PLCB1: variants seen among roughly 807,000 people sequenced by gnomAD.
PLCB1 encodes the protein 1-phosphatidylinositol 4,5-bisphosphate phosphodiesterase beta-1.
In PLCB1, 46 loss-of-function variants were observed where a neutral mutation model predicts 161.8. That is an observed-to-expected ratio of 0.28 (90% CI 0.22 to 0.36). The LOEUF is 0.36. Among genes scored for constraint, PLCB1 ranks in the 10% least tolerant of loss-of-function variants. The pLI, the probability that PLCB1 is intolerant of heterozygous loss-of-function variation, is 1.00. For missense variants in PLCB1, 1,016 were observed against 1,472.5 expected (o/e 0.69, Z 5.07); for synonymous variants, 517 against 503.7 (o/e 1.03, Z -0.35).
At chr20:8,146,275 C>T (rs551182172) in intron 1 of PLCB1, among the ~76,000 whole-genome samples, 14 of 152,278 alleles carry the variant, frequency 9.2e-5, no homozygotes, top group African/African-American at 2.4e-4. Flanking sequence ...TTATAGAGTG[C>T]GTACTTGAAG....
chr20:8,437,790 A>C (rs187134475), intron 3 of PLCB1, among the ~76,000 whole-genome samples: 47 of 152,320 alleles, frequency 3.1e-4, no homozygotes, highest in Admixed American at 1.2e-3. Flanking sequence ...TGAGCAAGGA[A>C]GTATTAGGTA....
chr20:8,410,283 C>T (rs1978984021), intron 3 of PLCB1, among the ~76,000 whole-genome samples: 1 of 152,116 alleles, frequency 6.6e-6, no homozygotes, highest in Non-Finnish European at 1.5e-5. Flanking sequence ...CTGACACAAA[C>T]ACCTATGGGT....
At chr20:8,381,194 A>G (rs1987243029) in intron 3 of PLCB1, among the ~76,000 whole-genome samples, 1 of 152,194 alleles carries the variant, frequency 6.6e-6, no homozygotes, top group Admixed American at 6.5e-5. Context: ...GCATCTATTG[A>G]GATAATCACA....
chr20:8,177,071 G>A (rs1412815940), intron 2 of PLCB1, among the ~76,000 whole-genome samples: 1 of 151,974 alleles, frequency 6.6e-6, no homozygotes, highest in Non-Finnish European at 1.5e-5. Context: ...AATTTTACAC[G>A]AGAGTGCAAA....
At chr20:8,476,979 T>C (rs1600095981) in intron 3 of PLCB1, among the ~76,000 whole-genome samples, 1 of 152,116 alleles carries the variant, frequency 6.6e-6, no homozygotes, top group East Asian at 1.9e-4. Flanking sequence ...AGGAAAAGGA[T>C]TTTTTTCAGG....
Position 8,330,939 on chromosome 20 carries a change from C to G in PLCB1, c.178-40443C>G, listed in dbSNP as rs534953059. Reference sequence around the variant, plus strand: ...AAGCAGATTTACAGTGTACATTGCACATTTAATATGCACAAAGCGCTTCTG... The same window carrying G: ...AAGCAGATTTACAGTGTACATTGCAGATTTAATATGCACAAAGCGCTTCTG... On this transcript the variant is annotated intron_variant, in intron 2 of 31. Coordinates refer to ENST00000338037, the MANE Select transcript of PLCB1 (RefSeq NM_015192.4). 1.7e-4 allele frequency among the ~76,000 whole-genome samples: 26 copies of G among 152,300 alleles called. 1 individual carries two copies. The South Asian group carries it at 5.2e-3, about 30-fold the overall frequency.
At chr20:8,740,739 T>G (rs1218919599) in intron 22 of PLCB1, among the ~76,000 whole-genome samples, 2 of 152,242 alleles carry the variant, frequency 1.3e-5, no homozygotes, top group Non-Finnish European at 2.9e-5. Flanking sequence ...ATGTTATCCA[T>G]TACAACAAAT....
chr20:8,832,018 T>C (rs1986038724), intron 31 of PLCB1, among the ~76,000 whole-genome samples: 1 of 150,798 alleles, frequency 6.6e-6, no homozygotes, highest in South Asian at 2.1e-4. Flanking sequence ...TTCTTTCGTA[T>C]TGCTCCTTGT....
At chr20:8,454,575 G>A (rs73593738) in intron 3 of PLCB1, among the ~76,000 whole-genome samples, 30 of 152,236 alleles carry the variant, frequency 2.0e-4, no homozygotes, top group African/African-American at 7.0e-4. Flanking sequence ...GGAAAGAAAC[G>A]AGTCAGGATG....
At chr20:8,182,438 C>T (rs1317877950) in intron 2 of PLCB1, among the ~76,000 whole-genome samples, 2 of 151,992 alleles carry the variant, frequency 1.3e-5, no homozygotes, top group African/African-American at 4.8e-5. Context: ...TCCTGTGGAC[C>T]CCTACGTCTG....
At chr20:8,407,617 T>G (rs1417539187) in intron 3 of PLCB1, among the ~76,000 whole-genome samples, 1 of 152,204 alleles carries the variant, frequency 6.6e-6, no homozygotes, top group Non-Finnish European at 1.5e-5. Flanking sequence ...CAGGCCCCCA[T>G]GATTCAGTGA....
chr20:8,667,342 C>A (rs1043496279), intron 9 of PLCB1, among the ~76,000 whole-genome samples: 2 of 152,110 alleles, frequency 1.3e-5, no homozygotes, highest in African/African-American at 4.8e-5. Flanking sequence ...ATTCCAAGTT[C>A]TTCTTAACTT....
At chr20:8,693,652 A>G (rs775238794) in intron 10 of PLCB1, among the ~76,000 whole-genome samples, 5 of 152,232 alleles carry the variant, frequency 3.3e-5, no homozygotes, top group Non-Finnish European at 7.3e-5. Flanking sequence ...TGAAGGGAAG[A>G]CAATAATGAT....
chr20:8,237,073 A>G (rs140629169), intron 2 of PLCB1, among the ~76,000 whole-genome samples: 143 of 152,190 alleles, frequency 9.4e-4, no homozygotes, highest in African/African-American at 3.4e-3. Flanking sequence ...TATCACAAGC[A>G]TGAAAGTCCT....
intron 23 of PLCB1, among the ~76,000 whole-genome samples, chr20:8,747,009 C>T (rs939309259): frequency 7.9e-5 from 12 of 152,296 alleles, no homozygotes; most frequent in South Asian, 2.1e-4. Context: ...ACCACACACA[C>T]GCACTACCTC....
At chr20:8,735,823 C>T (rs1363461137) in intron 19 of PLCB1, among the ~76,000 whole-genome samples, 1 of 152,136 alleles carries the variant, frequency 6.6e-6, no homozygotes, top group Admixed American at 6.5e-5. Flanking sequence ...GCACTCAAGC[C>T]AAATAGAACA....
chr20:8,169,036 G>A (rs990222138), intron 2 of PLCB1, among the ~76,000 whole-genome samples: 1 of 152,114 alleles, frequency 6.6e-6, no homozygotes, highest in Non-Finnish European at 1.5e-5. Context: ...TTTACTCTGA[G>A]CTCATCTTTT....
chr20:8,776,999 G>A lies in PLCB1; in HGVS notation c.3111+2280G>A, dbSNP rs1231301169. Among the ~76,000 whole-genome samples the A allele has an allele frequency of 2.0e-5, 3 of 152,276 alleles. No homozygotes were observed. In the East Asian group the frequency reaches 5.8e-4, roughly 29 times the overall value. On this transcript the variant is annotated intron_variant, in intron 27 of 31. Coordinates refer to ENST00000338037, the MANE Select transcript of PLCB1 (RefSeq NM_015192.4). ...GTTAAGAGGTGAAGAACTGACAACA[G>A]CCAACACAGGGAGGAGGATTCCTCC... is the stretch of plus-strand genomic sequence containing the variant.
At chr20:8,536,307 G>C (rs924345766) in intron 3 of PLCB1, among the ~76,000 whole-genome samples, 3 of 152,132 alleles carry the variant, frequency 2.0e-5, no homozygotes, top group Non-Finnish European at 4.4e-5. Flanking sequence ...CACCATGTTA[G>C]GCGCCGGATG....
Sources: gnomAD v4.1 joint callset for allele counts (sites outside exome capture counted in the v4.1 genomes callset) on GRCh38, gnomAD v4.1.1 for gene constraint, MANE v1.5 for transcripts, NCBI Gene and HGNC (gene_info 2026-07-23, HGNC 2026-07-21) for gene names.